The following SPRY3 variants were observed in gnomAD, a reference collection of about 807,000 sequenced individuals.
The protein encoded by SPRY3 is sprouty RTK signaling antagonist 3.
SPRY3 carries 15 observed loss-of-function variants against 20.2 expected under a neutral mutation model. The ratio of observed to expected loss-of-function variants is 0.74; its 90% CI spans 0.50 to 1.14. The LOEUF (loss-of-function observed/expected upper bound fraction) is 1.14, where lower values mean the gene tolerates loss of function less well. Ranked by LOEUF, SPRY3 falls within the 50% of genes most tolerant of loss-of-function variation. The probability of loss-of-function intolerance (pLI) is 0.00; values close to 1 mark genes in which losing one functional copy is unlikely to be tolerated. For synonymous variants in SPRY3, 143 were observed against 136.5 expected, an observed-to-expected ratio of 1.05 and a Z score of -0.33; for missense variants, 364 against 363.9, an observed-to-expected ratio of 1.00 and a Z score of 0.00.
At chrX:155,671,705 T>A (rs974303751) in intron 2 of SPRY3, among the ~76,000 whole-genome samples, 1 of 111,639 alleles carries the variant, frequency 9.0e-6, no homozygotes, top group African/African-American at 3.3e-5. Context: ...GGTGTTTTAG[T>A]CATGAAGTCC....
At chrX:155,696,745 T>G (rs1487254775) in intron 2 of SPRY3, among the ~76,000 whole-genome samples, 1 of 111,907 alleles carries the variant, frequency 8.9e-6, no homozygotes, top group Non-Finnish European at 1.9e-5. Context: ...TAATTCAGTA[T>G]GGACAATCCA....
At chrX:155,737,951 T>C (rs2091179964) in intron 2 of SPRY3, among the ~76,000 whole-genome samples, 1 of 152,192 alleles carries the variant, frequency 6.6e-6, no homozygotes, top group Non-Finnish European at 1.5e-5. Context: ...ATTTCTATTT[T>C]TAATTAAATT....
chrX:155,735,066 T>TA (rs912268869), intron 2 of SPRY3, among the ~76,000 whole-genome samples: 9 of 151,760 alleles, frequency 5.9e-5, no homozygotes, highest in South Asian at 2.1e-4. Context: ...TTCATTTAAT[T>TA]AAAAAAAATT....
chrX:155,728,656 G>T, intron 2 of SPRY3, among the ~76,000 whole-genome samples: 1 of 152,196 alleles, frequency 6.6e-6, no homozygotes, highest in East Asian at 1.9e-4. Context: ...CAGTTGCTAA[G>T]ACCATGGGAA....
At chrX:155,705,508 C>T (rs1324642632) in intron 2 of SPRY3, among the ~76,000 whole-genome samples, 3 of 151,214 alleles carry the variant, frequency 2.0e-5, no homozygotes, top group Non-Finnish European at 4.4e-5. Context: ...TTTAATCCAA[C>T]CATATCAATA....
At chrX:155,718,614 T>A (rs755685127) in intron 2 of SPRY3, among the ~76,000 whole-genome samples, 56 of 152,206 alleles carry the variant, frequency 3.7e-4, no homozygotes, top group Non-Finnish European at 1.3e-4. Flanking sequence ...ACACCACAGA[T>A]ACAAATATAA....
Position 155,727,125 on chromosome X carries a change from C to G in SPRY3, c.-281-40837C>G, listed in dbSNP as rs886482019. ...TTATTTTCTTTAAGAATGTTGAATACTGGCCCCTACTCCCTTCTGGCTTGT... is the reference window on the plus strand; with the variant it reads ...TTATTTTCTTTAAGAATGTTGAATAGTGGCCCCTACTCCCTTCTGGCTTGT... On this transcript the variant is annotated intron_variant, in intron 2 of 3. Transcript: ENST00000675360. 5.3e-5 allele frequency among the ~76,000 whole-genome samples: 8 copies of G among 152,260 alleles called. No individual in the cohort carries two copies. The South Asian group carries it at 8.3e-4, about 16-fold the overall frequency.
intron 2 of SPRY3, among the ~76,000 whole-genome samples, chrX:155,704,837 A>G (rs779474449): frequency 2.0e-5 from 3 of 151,776 alleles, no homozygotes; most frequent in Admixed American, 2.0e-4. Flanking sequence ...TAAGCCATAC[A>G]AGTCAGGACA....
chrX:155,622,613 A>C (rs914229467), intron 1 of SPRY3, among the ~76,000 whole-genome samples: 1 of 112,551 alleles, frequency 8.9e-6, no homozygotes, highest in Non-Finnish European at 1.9e-5. Flanking sequence ...GTACTTGTAC[A>C]AATTTCTACA....
At chrX:155,773,307 G>GATATAC (rs2091393668) in intron 3 of SPRY3, among the ~76,000 whole-genome samples, 1 of 120,740 alleles carries the variant, frequency 8.3e-6, no homozygotes, top group African/African-American at 3.1e-5. Flanking sequence ...ATTTTGATTG[G>GATATAC]ATATATATAT....
At chrX:155,776,183 G>A (rs1326325854) in exon 4 of SPRY3, 1 of 167,074 alleles carries the variant, frequency 6.0e-6, no homozygotes, top group Non-Finnish European at 1.5e-5. Flanking sequence ...TCCAGTGCAT[G>A]GTGGGTAGCT....
intron 2 of SPRY3, chrX:155,670,038 G>A (rs1427257390): frequency 4.5e-5 from 5 of 111,515 alleles, no homozygotes; most frequent in African/African-American, 1.6e-4. Flanking sequence ...ACGTGATATC[G>A]TTTATCTCAT....
intron 2 of SPRY3, among the ~76,000 whole-genome samples, chrX:155,677,039 C>T (rs967190896): frequency 1.8e-5 from 2 of 111,461 alleles, no homozygotes; most frequent in East Asian, 2.8e-4. Flanking sequence ...CAGTTCGGAT[C>T]GGCTATTGAA....
intron 2 of SPRY3, among the ~76,000 whole-genome samples, chrX:155,722,403 C>A (rs754358804): frequency 1.4e-4 from 21 of 152,096 alleles, no homozygotes; most frequent in African/African-American, 5.1e-4. Flanking sequence ...TGCCTGTGGT[C>A]CCAGCTACTC....
intron 2 of SPRY3, among the ~76,000 whole-genome samples, chrX:155,748,613 G>A (rs1016911261): frequency 2.6e-5 from 4 of 151,710 alleles, no homozygotes; most frequent in Admixed American, 6.6e-5. Context: ...GCTCCAAGAC[G>A]AAGACTTCTA....
At chrX:155,712,660 A>C (rs2090995041) in intron 2 of SPRY3, among the ~76,000 whole-genome samples, 1 of 151,642 alleles carries the variant, frequency 6.6e-6, no homozygotes, top group East Asian at 1.9e-4. Context: ...TTAATTGGAG[A>C]GTTTAGTCTA....
rs184704841 is a variant in SPRY3, at chrX:155,759,057, G to A, written c.-281-8905G>A. The stretch of plus-strand genomic sequence containing the variant: ...GCATGCCGTTTCTCTGCTCTCAATG[G>A]ATCTTATTAATTCTTTTTTTTTTTT... On this transcript the variant is annotated intron_variant, in intron 2 of 3. Coordinates refer to ENST00000675360, the Ensembl canonical transcript of SPRY3. Among the ~76,000 whole-genome samples the A allele has an allele frequency of 4.0e-5, 6 of 151,254 alleles. No homozygotes were observed. The East Asian group carries it at 1.2e-3, about 29-fold the overall frequency.
chrX:155,773,766 G>C, exon 4 of SPRY3: 2 of 1,341,944 alleles, frequency 1.5e-6, no homozygotes, highest in Non-Finnish European at 2.1e-6. Context: ...TCTCTCCTAG[G>C]ATTTTCTCAT....
chrX:155,751,624 A>C (rs1209792934), intron 2 of SPRY3, among the ~76,000 whole-genome samples: 1 of 151,880 alleles, frequency 6.6e-6, no homozygotes, highest in East Asian at 1.9e-4. Flanking sequence ...ATTTTTTCCA[A>C]ATATAGAAAG....
Sources: allele counts gnomAD v4.1 joint callset (sites outside exome capture counted in the v4.1 genomes callset), GRCh38; gene constraint gnomAD v4.1.1; transcripts MANE v1.5; gene names NCBI Gene and HGNC (gene_info 2026-07-23, HGNC 2026-07-21).